Variants in TMEM185A observed in about 807,000 individuals in gnomAD.
TMEM185A encodes family with sequence similarity 11, member A.
A neutral mutation model predicts 25.0 loss-of-function variants in TMEM185A; 9 were observed. That is an observed-to-expected ratio of 0.36 (90% confidence interval 0.22 to 0.63). The LOEUF (loss-of-function observed/expected upper bound fraction) is 0.63. Among genes scored for constraint, TMEM185A ranks in the 20% least tolerant of loss-of-function variants. TMEM185A has a pLI of 0.68. For missense variants in TMEM185A, 103 were observed against 237.4 expected (o/e 0.43, Z 3.72); for synonymous variants, 45 against 93.5 (o/e 0.48, Z 2.99).
chrX:149,618,691 T>C (rs2090123565), intron 1 of TMEM185A, among the ~76,000 whole-genome samples: 1 of 111,855 alleles, frequency 8.9e-6, no homozygotes, highest in Admixed American at 9.5e-5. Context: ...ATATTTACGA[T>C]ACAGTTGTTA....
At chrX:149,607,609 G>C (rs2090059407) in intron 3 of TMEM185A, among the ~76,000 whole-genome samples, 1 of 112,675 alleles carries the variant, frequency 8.9e-6, no homozygotes, top group African/African-American at 3.2e-5. Context: ...ACTAGTCCTG[G>C]TATTTTATTC....
chrX:149,604,123 T>G, intron 3 of TMEM185A, 53 bp from the exon 4 acceptor site: 2 of 864,506 alleles, frequency 2.3e-6, no homozygotes, highest in Middle Eastern at 3.5e-4. Flanking sequence ...CATTTAATAC[T>G]GCAGTAATTT....
chrX:149,625,623 G>A (rs888994657), intron 1 of TMEM185A, among the ~76,000 whole-genome samples: 4 of 112,190 alleles, frequency 3.6e-5, no homozygotes, highest in African/African-American at 1.3e-4. Context: ...TTTGGAAATG[G>A]CAAACAGTCA....
At chrX:149,606,030 C>CT (rs1407266001) in intron 3 of TMEM185A, among the ~76,000 whole-genome samples, 5 of 112,257 alleles carry the variant, frequency 4.5e-5, no homozygotes, top group African/African-American at 1.3e-4. Flanking sequence ...TTACATCTAA[C>CT]TTAGTAAGTA....
intron 1 of TMEM185A, among the ~76,000 whole-genome samples, chrX:149,627,005 G>C (rs782024178): frequency 8.9e-6 from 1 of 111,978 alleles, no homozygotes; most frequent in African/African-American, 3.3e-5. Context: ...TCCCAGGGAT[G>C]AGCAGGAGAC....
chrX:149,612,950 G>A (rs1391365231), intron 1 of TMEM185A, among the ~76,000 whole-genome samples: 1 of 111,993 alleles, frequency 8.9e-6, no homozygotes, highest in Non-Finnish European at 1.9e-5. Flanking sequence ...TGCTTGGGAT[G>A]TTTTCTCACT....
In TMEM185A at chrX:149,608,323, T is replaced by C. The variant is rs782466960; in HGVS notation, c.423+304A>G. On this transcript the variant is annotated intron_variant, in intron 3 of 6. Coordinates refer to ENST00000600449, the MANE Select transcript of TMEM185A (RefSeq NM_032508.4). ...ATAACTGAGCAAAATATTTTACTTTTGAAAACATTCTTTTTTTTTTTTTTT... is the reference window on the plus strand; with the variant it reads ...ATAACTGAGCAAAATATTTTACTTTCGAAAACATTCTTTTTTTTTTTTTTT... 3 of 190,736 alleles carry C rather than the reference T, an allele frequency of 1.6e-5. No homozygotes were observed. In the East Asian group the frequency reaches 3.6e-4, roughly 23 times the overall value. 15.7% of individuals were successfully genotyped at this position (190,736 alleles called of 1,213,427 possible). A position where few individuals can be genotyped will look rare whatever the true frequency, so the allele number is the denominator to read the frequency against.
At position 149,611,328 on chromosome X, in the gene TMEM185A, G is replaced by C; in HGVS notation, c.174C>G (p.Ala58=). 1 of 1,210,902 alleles carries C rather than the reference G, an allele frequency of 8.3e-7. No homozygotes were observed. Among genetic ancestry groups the C allele is most frequent in the Non-Finnish European group, 1.1e-6 (1 of 895,210 alleles). The change falls in exon 2 of 7, where the codon GCC becomes GCG. Residue 58 remains alanine (A), a synonymous_variant. Transcript: ENST00000600449. ...GTGCCCAGACTCCAGTTCCAACTGA[G>C]GCTCCAACAATGACCATTAACTTCC... ...WLWKLMVIVG[A]SVGTGVWARN...
At chrX:149,610,793 G>C (rs782625891) in intron 2 of TMEM185A, among the ~76,000 whole-genome samples, 2 of 111,677 alleles carry the variant, frequency 1.8e-5, no homozygotes, top group African/African-American at 6.5e-5. Flanking sequence ...TCCAATCTTT[G>C]ACTTTCCTCA....
chrX:149,610,555 C>T (rs1194679160), intron 2 of TMEM185A, among the ~76,000 whole-genome samples: 1 of 109,952 alleles, frequency 9.1e-6, no homozygotes, highest in Non-Finnish European at 1.9e-5. Flanking sequence ...TCATAATAGC[C>T]TCCCAGTCTT....
At chrX:149,603,096 C>G (rs1421019543) in intron 4 of TMEM185A, among the ~76,000 whole-genome samples, 1 of 111,871 alleles carries the variant, frequency 8.9e-6, no homozygotes, top group Non-Finnish European at 1.9e-5. Context: ...CCTTTAGTCT[C>G]CATCTTTTTT....
intron 1 of TMEM185A, among the ~76,000 whole-genome samples, chrX:149,622,132 A>C (rs1803763799): frequency 8.9e-6 from 1 of 112,397 alleles, no homozygotes; most frequent in African/African-American, 3.2e-5. Context: ...AACTATCAGA[A>C]ATCAGATGAC....
At chrX:149,611,515 T>C (rs1557354503) in intron 1 of TMEM185A, 52 bp from the exon 2 acceptor site, 1 of 1,087,319 alleles carries the variant, frequency 9.2e-7, no homozygotes, top group Non-Finnish European at 1.2e-6. Context: ...AAATATGTGA[T>C]ACTGAAATGG....
rs1377694570 is a variant in TMEM185A at position 149,597,225 on chromosome X, G to GC, written c.*785_*786insG. On this transcript the variant is annotated 3_prime_UTR_variant, in exon 7 of 7. Transcript: ENST00000600449. Reference sequence around the variant, plus strand: ...CATGAAGGCGTGGCACCCCACGGGGGGGGGGGGAGTGTGCCACGGGCGTCC... The same window carrying GC: ...CATGAAGGCGTGGCACCCCACGGGGGCGGGGGGGAGTGTGCCACGGGCGTCC... 4.9e-5 allele frequency: 4 copies of GC among 82,224 alleles called. No individual in the cohort carries two copies. The highest frequency in any genetic ancestry group is 4.8e-4 in the South Asian group (1 of 2,103). 6.8% of individuals were successfully genotyped at this position (82,224 alleles called of 1,213,427 possible).
In TMEM185A at chrX:149,602,638, G is replaced by GA. The variant is rs371152160; in HGVS notation, c.507+1348dup. ...TGGGATCTACAGAGGATGAAGGGCA[G>GA]AAAAAATCTTTCTTCTCATTTGTGG... On this transcript the variant is annotated intron_variant, in intron 4 of 6. Coordinates refer to ENST00000600449, the MANE Select transcript of TMEM185A (RefSeq NM_032508.4). Among the ~76,000 whole-genome samples the GA allele has an allele frequency of 1.3e-4, 15 of 112,427 alleles. No individual in the cohort carries two copies. The South Asian group carries it at 5.5e-3, about 41-fold the overall frequency.
At chrX:149,605,551 A>G (rs374359926) in intron 3 of TMEM185A, among the ~76,000 whole-genome samples, 313 of 84,746 alleles carry the variant, frequency 3.7e-3, no homozygotes, top group African/African-American at 0.016. Context: ...CACTTTCTAT[A>G]GCCTCCCATG....
At chrX:149,622,521 G>A (rs1330971673) in intron 1 of TMEM185A, among the ~76,000 whole-genome samples, 11 of 111,736 alleles carry the variant, frequency 9.8e-5, no homozygotes, top group Non-Finnish European at 2.1e-4. Context: ...AGATAATTAC[G>A]TAGCAGAACA....
chrX:149,602,263 T>C (rs1557352450), intron 4 of TMEM185A: 1 of 112,092 alleles, frequency 8.9e-6, no homozygotes, highest in Non-Finnish European at 1.9e-5. Flanking sequence ...AAATTTATGA[T>C]TTCTCTCTCG....
intron 1 of TMEM185A, among the ~76,000 whole-genome samples, chrX:149,630,599 G>A (rs1308127306): frequency 8.9e-6 from 1 of 112,102 alleles, no homozygotes; most frequent in South Asian, 3.7e-4. Flanking sequence ...TTACAGAAGG[G>A]CCAAAGAAGG....
Sources: gnomAD v4.1 joint callset for allele counts (sites outside exome capture counted in the v4.1 genomes callset) on GRCh38, gnomAD v4.1.1 for gene constraint, MANE v1.5 for transcripts, NCBI Gene and HGNC (gene_info 2026-07-23, HGNC 2026-07-21) for gene names.